The following CTNND2 variants were observed in gnomAD, a reference collection of about 807,000 sequenced individuals.
CTNND2 encodes the protein catenin delta-2.
A neutral mutation model predicts 144.4 loss-of-function variants in CTNND2; 22 were observed. The observed-to-expected ratio is 0.15, with a 90% CI of 0.11 to 0.22. CTNND2 has a LOEUF of 0.22. Among genes scored for constraint, CTNND2 ranks in the 10% least tolerant of loss-of-function variants. The probability of loss-of-function intolerance (pLI) is 1.00; values close to 1 mark genes in which losing one functional copy is unlikely to be tolerated. For missense variants in CTNND2, 1,353 were observed against 1,618.8 expected, an observed-to-expected ratio of 0.84 and a Z score of 2.82; for synonymous variants, 751 against 695.6, an observed-to-expected ratio of 1.08 and a Z score of -1.25.
chr5:11,460,912 G>C (rs931782200), intron 3 of CTNND2, among the ~76,000 whole-genome samples: 1 of 151,990 alleles, frequency 6.6e-6, no homozygotes, highest in Non-Finnish European at 1.5e-5. Flanking sequence ...AGCTGAATGT[G>C]GTGGCATGCG....
At chr5:11,149,175 A>C (rs986311411) in intron 12 of CTNND2, among the ~76,000 whole-genome samples, 1 of 152,084 alleles carries the variant, frequency 6.6e-6, no homozygotes, top group Non-Finnish European at 1.5e-5. Context: ...TGAAACCATT[A>C]TTTTTTGCAG....
Position 11,169,783 on chromosome 5 carries a change from G to A in CTNND2, c.1976-10024C>T, listed in dbSNP as rs190527645. On this transcript the variant is annotated intron_variant, in intron 11 of 21. Transcript: ENST00000304623. Reference sequence around the variant, plus strand: ...TTGCTTATCCAAGAGTCCCCGGATTGGAGACCCTGTTATGCACTGGGGCCA... The same window carrying A: ...TTGCTTATCCAAGAGTCCCCGGATTAGAGACCCTGTTATGCACTGGGGCCA... 3.0e-4 allele frequency among the ~76,000 whole-genome samples: 46 copies of A among 152,266 alleles called. No homozygotes were observed. In the East Asian group the frequency reaches 7.3e-3, roughly 24 times the overall value.
intron 2 of CTNND2, among the ~76,000 whole-genome samples, chr5:11,655,773 C>G (rs1581676152): frequency 6.6e-6 from 1 of 152,050 alleles, no homozygotes; most frequent in African/African-American, 2.4e-5. Context: ...AGCTTTCATA[C>G]ATTTCATGTA....
At chr5:11,488,894 T>C (rs1227006039) in intron 3 of CTNND2, among the ~76,000 whole-genome samples, 1 of 152,208 alleles carries the variant, frequency 6.6e-6, no homozygotes, top group East Asian at 1.9e-4. Context: ...ACATCAATAG[T>C]TTGTCCTTTT....
At chr5:11,280,908 A>G (rs1426476847) in intron 9 of CTNND2, among the ~76,000 whole-genome samples, 1 of 152,150 alleles carries the variant, frequency 6.6e-6, no homozygotes, top group African/African-American at 2.4e-5. Context: ...TCAAGGAGCA[A>G]ACAGAGTAAG....
Position 11,242,334 on chromosome 5 carries a change from A to C in CTNND2, c.1629-5511T>G, listed in dbSNP as rs140581789. 1.9e-4 allele frequency among the ~76,000 whole-genome samples: 29 copies of C among 152,322 alleles called. 1 individual carries two copies. In the East Asian group the frequency reaches 5.6e-3, roughly 29 times the overall value. On this transcript the variant is annotated intron_variant, in intron 9 of 21. Coordinates refer to ENST00000304623, the MANE Select transcript of CTNND2 (RefSeq NM_001332.4). ...CTTAAGGTGTTATTGAACTTAAGTG[A>C]TGAAGCTGGAATAAAATTCTAGTTG...
intron 16 of CTNND2, among the ~76,000 whole-genome samples, chr5:11,075,026 T>C (rs1748783339): frequency 6.9e-6 from 1 of 144,620 alleles, no homozygotes; most frequent in Non-Finnish European, 1.5e-5. Context: ...GGAATAGCAA[T>C]GATTTTTACT....
At chr5:11,182,031 A>G (rs1159161049) in intron 11 of CTNND2, among the ~76,000 whole-genome samples, 69 of 50,882 alleles carry the variant, frequency 1.4e-3, no homozygotes, top group Non-Finnish European at 1.5e-3. Context: ...TGTGTGATGT[A>G]TGTGTGGTGT....
intron 3 of CTNND2, among the ~76,000 whole-genome samples, chr5:11,425,906 C>T (rs187822093): frequency 7.2e-5 from 11 of 152,290 alleles, no homozygotes; most frequent in South Asian, 2.1e-4. Flanking sequence ...AACCCTGCTA[C>T]GTCAGTTTCG....
At position 11,803,311 on chromosome 5, in the gene CTNND2, T is replaced by A. The variant is rs144301562; in HGVS notation, c.38-71039A>T. Among the ~76,000 whole-genome samples the A allele has an allele frequency of 2.6e-3, 326 of 124,494 alleles. 7 individuals are homozygous for A. In the East Asian group the frequency reaches 0.046, roughly 18 times the overall value. 81.7% of individuals were successfully genotyped at this position (124,494 alleles called of 152,430 possible). On this transcript the variant is annotated intron_variant, in intron 1 of 21. Coordinates refer to ENST00000304623, the MANE Select transcript of CTNND2 (RefSeq NM_001332.4). ...CTCCAGCCTGGCAACAGAGCGAGACTGCGTCTCAAAAAAAAAAGAAAAAAA... is the reference window on the plus strand; with the variant it reads ...CTCCAGCCTGGCAACAGAGCGAGACAGCGTCTCAAAAAAAAAAGAAAAAAA...
At chr5:11,474,299 T>G (rs972667266) in intron 3 of CTNND2, among the ~76,000 whole-genome samples, 3 of 152,238 alleles carry the variant, frequency 2.0e-5, no homozygotes, top group African/African-American at 7.2e-5. Flanking sequence ...CTGTGACACC[T>G]TCTCCCAACT....
At chr5:11,225,860 T>C (rs1740279841) in intron 10 of CTNND2, among the ~76,000 whole-genome samples, 1 of 152,200 alleles carries the variant, frequency 6.6e-6, no homozygotes, top group African/African-American at 2.4e-5. Context: ...TACATAGATG[T>C]AATCAAGTTA....
At chr5:11,874,676 C>T (rs1027958161) in intron 1 of CTNND2, among the ~76,000 whole-genome samples, 1 of 152,188 alleles carries the variant, frequency 6.6e-6, no homozygotes, top group Admixed American at 6.5e-5. Context: ...TTTCAGCATA[C>T]TACTCAGAAT....
At chr5:11,498,569 C>A (rs994602016) in intron 3 of CTNND2, among the ~76,000 whole-genome samples, 1 of 152,154 alleles carries the variant, frequency 6.6e-6, no homozygotes, top group African/African-American at 2.4e-5. Context: ...GCAAAAAAGA[C>A]CTTCATTAAC....
chr5:11,863,234 CAAT>C (rs1343624158), intron 1 of CTNND2, among the ~76,000 whole-genome samples: 1 of 152,166 alleles, frequency 6.6e-6, no homozygotes, highest in Non-Finnish European at 1.5e-5. Context: ...AATAGATGTT[CAAT>C]AATAAAACTG....
intron 3 of CTNND2, among the ~76,000 whole-genome samples, chr5:11,415,362 G>A (rs1435477784): frequency 6.6e-6 from 1 of 152,082 alleles, no homozygotes; most frequent in Non-Finnish European, 1.5e-5. Flanking sequence ...CCAGTGATTT[G>A]GGAGGCTGAA....
At position 11,082,831 on chromosome 5, in the gene CTNND2, G is replaced by A. The variant is rs886041494; in HGVS notation, c.2653C>T (p.Arg885Ter). ...AGSWKWSVYI[R>*]AAVRKEKGLP... is the part of the protein sequence containing the mutation. ...CCTTTCTCTTTTCGGACAGCGGCTC[G>A]GATATATACTGACCACTGCAAAAAC... Residue 885 changes from arginine to a stop codon, truncating the protein, a stop_gained, in exon 16 of 22, where the codon CGA becomes TGA. Transcript: ENST00000304623. LOFTEE classifies it high-confidence loss of function. 1 of 1,614,072 alleles carries A rather than the reference G, an allele frequency of 6.2e-7. No homozygotes were observed. The highest frequency in any genetic ancestry group is 8.5e-7 in the Non-Finnish European group (1 of 1,180,020).
chr5:11,879,345 A>ATG (rs1735828502), intron 1 of CTNND2, among the ~76,000 whole-genome samples: 2 of 130,888 alleles, frequency 1.5e-5, no homozygotes, highest in Non-Finnish European at 3.3e-5. Context: ...ATGTGTGTAT[A>ATG]TATATATATA....
At chr5:11,703,223 T>C (rs1785534210) in intron 2 of CTNND2, among the ~76,000 whole-genome samples, 2 of 152,244 alleles carry the variant, frequency 1.3e-5, no homozygotes, top group African/African-American at 4.8e-5. Context: ...AAATATATAG[T>C]TGGCAATTAA....
Sources: gnomAD v4.1 joint callset for allele counts (sites outside exome capture counted in the v4.1 genomes callset) on GRCh38, gnomAD v4.1.1 for gene constraint, MANE v1.5 for transcripts, NCBI Gene and HGNC (gene_info 2026-07-23, HGNC 2026-07-21) for gene names.